Variants in SDCCAG8 observed in about 807,000 individuals in gnomAD.
SDCCAG8 encodes the protein serologically defined colon cancer antigen 8.
SDCCAG8 carries 74 observed loss-of-function variants against 101.8 expected under a neutral mutation model. That is an observed-to-expected ratio of 0.73 (90% CI 0.60 to 0.88). The LOEUF is 0.88. Ranked by LOEUF, SDCCAG8 falls within the 40% of genes least tolerant of loss-of-function variation. SDCCAG8 has a pLI of 0.00. For synonymous variants in SDCCAG8, 281 were observed against 292.9 expected (o/e 0.96, Z 0.41); for missense variants, 787 against 822.6 (o/e 0.96, Z 0.53).
At chr1:243,352,753 A>C (rs1001572419) in intron 12 of SDCCAG8, among the ~76,000 whole-genome samples, 1 of 152,166 alleles carries the variant, frequency 6.6e-6, no homozygotes, top group African/African-American at 2.4e-5. Flanking sequence ...AATTGTTTTT[A>C]TTTTTCTGTT....
intron 13 of SDCCAG8, among the ~76,000 whole-genome samples, chr1:243,408,323 T>C (rs2147993717): frequency 6.6e-6 from 1 of 152,198 alleles, no homozygotes; most frequent in East Asian, 1.9e-4. Context: ...TCCAGATTGA[T>C]GCACATGTCT....
chr1:243,268,191 G>T, intron 1 of SDCCAG8: 1 of 529,044 alleles, frequency 1.9e-6, no homozygotes, highest in South Asian at 2.1e-5. Context: ...ACATTTTTAT[G>T]TTAGTCAAAC....
chr1:243,463,071 G>A (rs950059958), intron 16 of SDCCAG8, among the ~76,000 whole-genome samples: 13 of 152,214 alleles, frequency 8.5e-5, no homozygotes, highest in Non-Finnish European at 1.8e-4. Flanking sequence ...ACACAGTCAA[G>A]TCCACTGATG....
At chr1:243,470,374 C>T (rs923642346) in intron 16 of SDCCAG8, among the ~76,000 whole-genome samples, 10 of 152,204 alleles carry the variant, frequency 6.6e-5, no homozygotes, top group Admixed American at 6.5e-4. Context: ...CTTTTGATCC[C>T]TGGCCTGATG....
At chr1:243,455,604 G>T (rs1206857047) in intron 16 of SDCCAG8, among the ~76,000 whole-genome samples, 1 of 151,576 alleles carries the variant, frequency 6.6e-6, no homozygotes, top group East Asian at 1.9e-4. Context: ...TGATCATGTT[G>T]AGAGACTAGA....
chr1:243,373,948 GACAA>G (rs983807532), intron 12 of SDCCAG8, among the ~76,000 whole-genome samples: 2 of 151,960 alleles, frequency 1.3e-5, no homozygotes, highest in African/African-American at 4.8e-5. Context: ...GTCCAAATCA[GACAA>G]ACAAGAAAGG....
Position 243,416,998 on chromosome 1 carries a change from T to G in SDCCAG8, c.1745-970T>G, listed in dbSNP as rs2080632298. On this transcript the variant is annotated intron_variant, in intron 14 of 17. Coordinates refer to ENST00000366541, the MANE Select transcript of SDCCAG8 (RefSeq NM_006642.5). This position sits in a 1 kb window ranked among gnomAD's most constrained non-coding sequence, Gnocchi z 4.3. ...TAATGTATTAATATATTGTATTTGA[T>G]GACACAGTAAGAAATTATTTCTTAT... Among the ~76,000 whole-genome samples, 1 of 152,224 alleles carries G rather than the reference T, an allele frequency of 6.6e-6. No homozygotes were observed. Among genetic ancestry groups the G allele is most frequent in the Non-Finnish European group, 1.5e-5 (1 of 68,040 alleles).
chr1:243,312,236 C>G (rs2072796845), intron 8 of SDCCAG8, among the ~76,000 whole-genome samples: 1 of 152,162 alleles, frequency 6.6e-6, no homozygotes, highest in South Asian at 2.1e-4. Context: ...AAGCCTGCCC[C>G]CTCCATAAGC....
At position 243,330,709 on chromosome 1, in the gene SDCCAG8, C is replaced by G. The variant is rs2074523935; in HGVS notation, c.1221+17C>G. ...GGATCAAAGGTACTTAAGGACTCTG[C>G]TGTTATCCACATTGCAGAAGAAAGG... On this transcript the variant is annotated intron_variant, in intron 10 of 17. Coordinates refer to ENST00000366541, the MANE Select transcript of SDCCAG8 (RefSeq NM_006642.5). 3 of 1,613,548 alleles carry G rather than the reference C, an allele frequency of 1.9e-6. No homozygotes were observed. The highest frequency in any genetic ancestry group is 3.3e-5 in the Admixed American group (2 of 59,992).
intron 12 of SDCCAG8, among the ~76,000 whole-genome samples, chr1:243,368,211 CA>C (rs60270982): frequency 0.91 from 129,382 of 142,724 alleles, 58,551 homozygotes; most frequent in East Asian, 0.96. Flanking sequence ...GACCCTGTCT[CA>C]AAAAAAAAAA....
rs1357310997 is a variant in SDCCAG8, at chr1:243,307,997, T to C, written c.749T>C (p.Leu250Ser). The C allele has an allele frequency of 1.2e-6, 2 of 1,613,950 alleles. No homozygotes were observed. The highest frequency in any genetic ancestry group is 2.2e-5 in the East Asian group (1 of 44,886). ...TTTCACCCTCTTTTTAGGAACGACTTAGCTGAATATCAGAGAACTTGTGAA... is the reference window on the plus strand; with the variant it reads ...TTTCACCCTCTTTTTAGGAACGACTCAGCTGAATATCAGAGAACTTGTGAA... ...ESQLKFLRND[L>S]AEYQRTCEDL... Residue 250 changes from leucine (L) to serine (S), a missense_variant, in exon 8 of 18, where the codon TTA becomes TCA. By Grantham distance (145) the Leu-to-Ser change is moderately radical. Coordinates refer to ENST00000366541, the MANE Select transcript of SDCCAG8 (RefSeq NM_006642.5).
At chr1:243,475,927 A>C (rs576280568) in intron 16 of SDCCAG8, 50 of 985,278 alleles carry the variant, frequency 5.1e-5, no homozygotes, top group Non-Finnish European at 5.9e-5. Flanking sequence ...CTTCTCCCCC[A>C]CAGTGGCACA....
At chr1:243,422,862 AGGGGAAAGTTC>A (rs2081100366) in intron 15 of SDCCAG8, among the ~76,000 whole-genome samples, 1 of 152,228 alleles carries the variant, frequency 6.6e-6, no homozygotes, top group Non-Finnish European at 1.5e-5. Flanking sequence ...ATAAAAATAC[AGGGGAAAGTTC>A]ATGCTTCTGT....
intron 13 of SDCCAG8, among the ~76,000 whole-genome samples, chr1:243,404,865 T>C (rs2079653197): frequency 6.7e-6 from 1 of 150,154 alleles, no homozygotes; most frequent in African/African-American, 2.4e-5. Flanking sequence ...ACTTCTTCTT[T>C]TTTTTTTTTT....
rs553006805 is a variant in SDCCAG8, at chr1:243,415,514, G to A, written c.1617-188G>A. On this transcript the variant is annotated intron_variant, in intron 13 of 17. Transcript: ENST00000366541. ...TTTAGTCCATTTGGATTCATGGCAC[G>A]TATTTAACACTGTATGGAAGGTTGT... Among the ~76,000 whole-genome samples the A allele has an allele frequency of 4.6e-5, 7 of 152,284 alleles. No homozygotes were observed. In the South Asian group the frequency reaches 1.0e-3, roughly 23 times the overall value.
At position 243,293,190 on chromosome 1, in the gene SDCCAG8, G is replaced by A. The variant is rs753823148; in HGVS notation, c.646G>A (p.Ala216Thr). ...FSHDNADFGKAASAGEQLELE... is the reference protein window; with the variant it reads ...FSHDNADFGKTASAGEQLELE... Reference sequence around the variant, plus strand: ...CCATGACAATGCAGATTTTGGCAAAGCTGCATCTGCTGGTGAGCAGCTAGA... The same window carrying A: ...CCATGACAATGCAGATTTTGGCAAAACTGCATCTGCTGGTGAGCAGCTAGA... Residue 216 changes from alanine to threonine, a missense_variant, in exon 6 of 18, where the codon GCT becomes ACT. By Grantham distance (58) the Ala-to-Thr change is moderately conservative. Transcript: ENST00000366541. 5.0e-6 allele frequency: 8 copies of A among 1,613,986 alleles called. No homozygotes were observed. The East Asian group carries it at 1.6e-4, about 31-fold the overall frequency.
chr1:243,319,267 A>G (rs1033129660), intron 9 of SDCCAG8, among the ~76,000 whole-genome samples: 7 of 152,034 alleles, frequency 4.6e-5, no homozygotes, highest in Non-Finnish European at 1.5e-5. Context: ...AGGTATCCAA[A>G]CCATATCACA....
At position 243,426,400 on chromosome 1, in the gene SDCCAG8, C is replaced by A. The variant is rs1177546683; in HGVS notation, c.1854-27C>A. 3 of 1,598,200 alleles carry A rather than the reference C, an allele frequency of 1.9e-6. No homozygotes were observed. The African/African-American group carries it at 4.0e-5, about 21-fold the overall frequency. ...CCCTAGTAATAAGAACTTCTAACAT[C>A]TATTATTTTTGTGTTTTCACCTCTA... On this transcript the variant is annotated intron_variant, in intron 15 of 17. Transcript: ENST00000366541.
chr1:243,405,655 C>T (rs1330988199), intron 13 of SDCCAG8, among the ~76,000 whole-genome samples: 1 of 152,078 alleles, frequency 6.6e-6, no homozygotes, highest in African/African-American at 2.4e-5. Flanking sequence ...ACATAATTAA[C>T]ACATTTTAGA....
Sources: gnomAD v4.1 joint callset for allele counts (sites outside exome capture counted in the v4.1 genomes callset) on GRCh38, gnomAD v4.1.1 for gene constraint, Gnocchi (gnomAD v3.1) non-coding constraint, MANE v1.5 for transcripts, NCBI Gene and HGNC (gene_info 2026-07-23, HGNC 2026-07-21) for gene names.